CREBBP: variants seen among roughly 807,000 people sequenced by gnomAD.
CREBBP encodes the protein CREB-binding protein.
CREBBP carries 19 observed loss-of-function variants against 265.0 expected under a neutral mutation model. That is an observed-to-expected ratio of 0.07 (90% CI 0.05 to 0.11). CREBBP has a LOEUF of 0.11. Among genes scored for constraint, CREBBP ranks in the 10% least tolerant of loss-of-function variants. CREBBP has a pLI of 1.00. For synonymous variants in CREBBP, 1,457 were observed against 1,223.7 expected (o/e 1.19, Z -3.98); for missense variants, 2,525 against 3,219.0 (o/e 0.78, Z 5.22).
chr16:3,849,456 T>TG (rs2054773935), intron 2 of CREBBP, among the ~76,000 whole-genome samples: 3 of 120,676 alleles, frequency 2.5e-5, no homozygotes, highest in Non-Finnish European at 5.4e-5. Flanking sequence ...TGTGTGTGTG[T>TG]GTGTGTGTGT....
intron 16 of CREBBP, among the ~76,000 whole-genome samples, chr16:3,761,379 A>G (rs2052713775): frequency 6.6e-6 from 1 of 152,178 alleles, no homozygotes; most frequent in South Asian, 2.1e-4. Flanking sequence ...ACCTGCCATC[A>G]ATTCTGTGTG....
chr16:3,875,020 C>A (rs1297376181), intron 1 of CREBBP, among the ~76,000 whole-genome samples: 2 of 152,196 alleles, frequency 1.3e-5, no homozygotes, highest in East Asian at 3.8e-4. Context: ...AAACACAAGT[C>A]AGCAATTATG....
intron 4 of CREBBP, among the ~76,000 whole-genome samples, chr16:3,792,699 G>A (rs1284999635): frequency 6.6e-6 from 1 of 152,258 alleles, no homozygotes; most frequent in Non-Finnish European, 1.5e-5. Context: ...ACCAGGGGGA[G>A]ATTCCCCTAA....
At chr16:3,819,213 C>CT (rs2054096660) in intron 2 of CREBBP, among the ~76,000 whole-genome samples, 1 of 152,362 alleles carries the variant, frequency 6.6e-6, no homozygotes, top group South Asian at 2.1e-4. Flanking sequence ...ACTATGTGGG[C>CT]TCTGGGGATA....
At chr16:3,777,483 C>T in intron 11 of CREBBP, 130 bp downstream of exon 11, 1 of 992,536 alleles carries the variant, frequency 1.0e-6, no homozygotes. Context: ...CTGAATTCTG[C>T]TTATCAGCAA....
At position 3,836,825 on chromosome 16, in the gene CREBBP, A is replaced by T. The variant is rs140271129; in HGVS notation, c.798+13472T>A. Among the ~76,000 whole-genome samples, 16 of 152,346 alleles carry T rather than the reference A, an allele frequency of 1.1e-4. No individual in the cohort carries two copies. In the East Asian group the frequency reaches 2.7e-3, roughly 26 times the overall value. On this transcript the variant is annotated intron_variant, in intron 2 of 30. Coordinates refer to ENST00000262367, the MANE Select transcript of CREBBP (RefSeq NM_004380.3). ...AGACCTCATACACAGTGGTCCCAGA[A>T]GATTACCATGGAACTGAAAAATTCC...
intron 1 of CREBBP, among the ~76,000 whole-genome samples, chr16:3,873,989 C>T (rs1218206155): frequency 1.3e-5 from 2 of 152,102 alleles, no homozygotes; most frequent in Admixed American, 6.5e-5. Flanking sequence ...GGAAGAGGGC[C>T]GTGGAAAGGC....
Position 3,880,443 on chromosome 16 carries a change from G to C in CREBBP, c.-527C>G, listed in dbSNP as rs2055509402. Reference sequence around the variant, plus strand: ...GCCGTGAGGAAAAACAATGCGCCGAGCGGGGTCGCCGCCGCCGCCGCGGCC... The same window carrying C: ...GCCGTGAGGAAAAACAATGCGCCGACCGGGGTCGCCGCCGCCGCCGCGGCC... On this transcript the variant is annotated 5_prime_UTR_variant, in exon 1 of 31. Transcript: ENST00000262367. The C allele has an allele frequency of 7.0e-6, 1 of 142,914 alleles. No individual in the cohort carries two copies. Among genetic ancestry groups the C allele is most frequent in the Admixed American group, 6.9e-5 (1 of 14,446 alleles). The allele number at this position is 142,914 out of a possible 1,614,324, so 8.9% of individuals were successfully genotyped here.
In CREBBP at chr16:3,850,600, G is replaced by C. The variant is rs369771502; in HGVS notation, c.495C>G (p.Ser165Arg). ...CAGGTCCAGTCTGTGACGTGGCAGG[G>C]CTGCTAGTCGCCAGCCCCACTTGCT... ...AQKQVGLATS[S>R]PATSQTGPGI... Residue 165 changes from serine (S) to arginine (R), a missense_variant, in exon 2 of 31, where the codon AGC becomes AGG. By Grantham distance (110) the Ser-to-Arg change is moderately radical (BLOSUM62 -1). Coordinates refer to ENST00000262367, the MANE Select transcript of CREBBP (RefSeq NM_004380.3). The C allele has an allele frequency of 6.8e-6, 11 of 1,614,124 alleles. No individual in the cohort carries two copies.
chr16:3,762,095 T>C (rs897325201), intron 16 of CREBBP, among the ~76,000 whole-genome samples: 4 of 152,202 alleles, frequency 2.6e-5, no homozygotes, highest in African/African-American at 9.6e-5. Flanking sequence ...TATTGGCACA[T>C]AGCTGTGCTC....
chr16:3,775,550 G>A (rs1471796070), intron 11 of CREBBP, among the ~76,000 whole-genome samples: 1 of 152,190 alleles, frequency 6.6e-6, no homozygotes, highest in African/African-American at 2.4e-5. Flanking sequence ...GACTCACGGA[G>A]CACTACCTTC....
chr16:3,811,573 C>A (rs1474746637), intron 2 of CREBBP, among the ~76,000 whole-genome samples: 1 of 152,200 alleles, frequency 6.6e-6, no homozygotes, highest in Non-Finnish European at 1.5e-5. Flanking sequence ...TCACTGCCAA[C>A]CTCTACCGCC....
At chr16:3,772,443 T>C (rs2053036241) in intron 13 of CREBBP, among the ~76,000 whole-genome samples, 1 of 151,906 alleles carries the variant, frequency 6.6e-6, no homozygotes, top group Non-Finnish European at 1.5e-5. Flanking sequence ...TTGTGAACAT[T>C]TTAAAAATGA....
Position 3,858,927 on chromosome 16 carries a change from G to C in CREBBP, c.86-7918C>G, listed in dbSNP as rs575046736. Among the ~76,000 whole-genome samples the C allele has an allele frequency of 1.4e-3, 208 of 152,316 alleles. 2 individuals carry two copies. The highest frequency in any genetic ancestry group is 1.6e-3 in the Non-Finnish European group (112 of 68,024). ...AGTAGTGTAAGAAATAAGCATGTAA[G>C]AGTTCAGATGCTGTTTTGTGATGTG... is the stretch of plus-strand genomic sequence containing the variant. On this transcript the variant is annotated intron_variant, in intron 1 of 30. Transcript: ENST00000262367.
intron 2 of CREBBP, among the ~76,000 whole-genome samples, chr16:3,831,098 T>C (rs999204455): frequency 1.1e-4 from 16 of 152,172 alleles, no homozygotes; most frequent in Non-Finnish European, 1.6e-4. Context: ...CAAGTATAGA[T>C]AGAATATTTG....
chr16:3,753,970 CAA>C (rs1210015278), intron 19 of CREBBP, among the ~76,000 whole-genome samples: 1 of 152,130 alleles, frequency 6.6e-6, no homozygotes, highest in Non-Finnish European at 1.5e-5. Flanking sequence ...ATCCAGGAAA[CAA>C]GAACCATAAA....
At position 3,725,967 on chromosome 16, in the gene CREBBP, TTG is replaced by T. The variant is rs1242832806; in HGVS notation, c.*1749_*1750del. ...GGTCCTCCTCTCAGTTTTACGGTTTTTGTGAACTTGTCTCACCCACTCAGTAA... is the reference window on the plus strand; with the variant it reads ...GGTCCTCCTCTCAGTTTTACGGTTTTTGAACTTGTCTCACCCACTCAGTAA... On this transcript the variant is annotated 3_prime_UTR_variant, in exon 31 of 31. Transcript: ENST00000262367. 3 of 232,940 alleles carry T rather than the reference TTG, an allele frequency of 1.3e-5. No individual in the cohort carries two copies. The highest frequency in any genetic ancestry group is 6.6e-5 in the African/African-American group (3 of 45,330). 14.4% of individuals were successfully genotyped at this position (232,940 alleles called of 1,614,324 possible). A position where few individuals can be genotyped will look rare whatever the true frequency, so the allele number is the denominator to read the frequency against.
At chr16:3,848,514 G>C (rs763705276) in intron 2 of CREBBP, among the ~76,000 whole-genome samples, 44 of 152,214 alleles carry the variant, frequency 2.9e-4, no homozygotes, top group Non-Finnish European at 2.1e-4. Flanking sequence ...GATGAAATGT[G>C]TTTCAATATT....
At chr16:3,869,713 C>T (rs1380759051) in intron 1 of CREBBP, among the ~76,000 whole-genome samples, 3 of 152,138 alleles carry the variant, frequency 2.0e-5, no homozygotes, top group Non-Finnish European at 2.9e-5. Context: ...AGCGTAGAGC[C>T]GCCCTCCCAA....
Sources: allele counts gnomAD v4.1 joint callset (sites outside exome capture counted in the v4.1 genomes callset), GRCh38; gene constraint gnomAD v4.1.1; transcripts MANE v1.5; gene names NCBI Gene and HGNC (gene_info 2026-07-23, HGNC 2026-07-21).